The following ARPC1A variants were observed in gnomAD, a reference collection of about 807,000 sequenced individuals.
ARPC1A encodes the protein actin related protein 2/3 complex subunit 1A.
ARPC1A carries 8 observed loss-of-function variants against 46.9 expected under a neutral mutation model. The observed-to-expected ratio is 0.17, with a 90% CI of 0.10 to 0.31. The LOEUF (loss-of-function observed/expected upper bound fraction) is 0.31, where lower values mean the gene tolerates loss of function less well. Ranked by LOEUF, ARPC1A falls within the 10% of genes least tolerant of loss-of-function variation. ARPC1A has a pLI of 1.00. For missense variants in ARPC1A, 286 were observed against 483.6 expected, an observed-to-expected ratio of 0.59 and a Z score of 3.83; for synonymous variants, 152 against 169.0, an observed-to-expected ratio of 0.90 and a Z score of 0.78.
At chr7:99,343,731 A>G (rs1584379233) in intron 3 of ARPC1A, among the ~76,000 whole-genome samples, 1 of 152,200 alleles carries the variant, frequency 6.6e-6, no homozygotes, top group Non-Finnish European at 1.5e-5. Flanking sequence ...CAGGACCTGC[A>G]TCATGTAGAA....
rs372338903 is a variant in ARPC1A, at chr7:99,355,263, CAA to C, written c.713+1143_713+1144del. 6.6e-5 allele frequency among the ~76,000 whole-genome samples: 10 copies of C among 151,830 alleles called. No individual in the cohort carries two copies. In the East Asian group the frequency reaches 1.4e-3, roughly 21 times the overall value. ...TGCCATTGCACTCCAGCCTGGGCAACAAGAGCAAAACTATGTCTCAAAAAAAA... is the reference window on the plus strand; with the variant it reads ...TGCCATTGCACTCCAGCCTGGGCAACGAGCAAAACTATGTCTCAAAAAAAA... On this transcript the variant is annotated intron_variant, in intron 6 of 9. Transcript: ENST00000262942.
intron 7 of ARPC1A, among the ~76,000 whole-genome samples, chr7:99,359,126 C>T (rs900994767): frequency 2.0e-5 from 3 of 150,312 alleles, no homozygotes; most frequent in South Asian, 2.2e-4. Context: ...CCACCGTGCC[C>T]GGCCGCTCAC....
At chr7:99,357,787 C>T (rs1484689199) in intron 6 of ARPC1A, among the ~76,000 whole-genome samples, 1 of 152,234 alleles carries the variant, frequency 6.6e-6, no homozygotes, top group African/African-American at 2.4e-5. Flanking sequence ...CATACACACA[C>T]ATGGCCCATT....
intron 6 of ARPC1A, 83 bp downstream of exon 6, chr7:99,354,204 G>GTAA: frequency 6.9e-7 from 1 of 1,445,396 alleles, no homozygotes; most frequent in South Asian, 1.3e-5. Flanking sequence ...CCTTCCTGGG[G>GTAA]TGTTAGCACA....
chr7:99,344,004 G>T (rs554388599), intron 3 of ARPC1A, among the ~76,000 whole-genome samples: 6 of 152,328 alleles, frequency 3.9e-5, no homozygotes, highest in Non-Finnish European at 8.8e-5. Context: ...TCTTAGAAAT[G>T]TGTGAATGGG....
chr7:99,332,596 T>C (rs1793161483), intron 1 of ARPC1A, among the ~76,000 whole-genome samples: 1 of 151,692 alleles, frequency 6.6e-6, no homozygotes, highest in Non-Finnish European at 1.5e-5. Flanking sequence ...GTTTTGACAA[T>C]GAGATAGATT....
chr7:99,346,386 C>G (rs999895834), intron 4 of ARPC1A, among the ~76,000 whole-genome samples: 1 of 152,176 alleles, frequency 6.6e-6, no homozygotes, highest in African/African-American at 2.4e-5. Context: ...TTTATGTCAG[C>G]TGGTACTCCT....
At chr7:99,346,522 C>A (rs1381909915) in intron 4 of ARPC1A, among the ~76,000 whole-genome samples, 2 of 152,110 alleles carry the variant, frequency 1.3e-5, no homozygotes, top group Non-Finnish European at 2.9e-5. Flanking sequence ...TATTATGGTA[C>A]AAGGTATTGT....
At chr7:99,362,253 C>T (rs1248305304) in intron 8 of ARPC1A, among the ~76,000 whole-genome samples, 1 of 151,538 alleles carries the variant, frequency 6.6e-6, no homozygotes, top group African/African-American at 2.4e-5. Flanking sequence ...GAGATCGCAC[C>T]ACTGCACTCC....
At chr7:99,356,728 T>C (rs527656732) in intron 6 of ARPC1A, among the ~76,000 whole-genome samples, 14 of 151,592 alleles carry the variant, frequency 9.2e-5, no homozygotes, top group East Asian at 3.9e-4. Flanking sequence ...GGTGAAACCC[T>C]GTCTCTACAA....
chr7:99,341,609 CAA>C (rs36066986), intron 3 of ARPC1A, among the ~76,000 whole-genome samples: 13,544 of 87,454 alleles, frequency 0.15, 1,479 homozygotes, highest in African/African-American at 0.35. Context: ...AACTCTGTCT[CAA>C]AAAAAAAAAA....
At chr7:99,364,539 C>T (rs907882371) in intron 9 of ARPC1A, among the ~76,000 whole-genome samples, 2 of 150,466 alleles carry the variant, frequency 1.3e-5, no homozygotes, top group African/African-American at 2.4e-5. Flanking sequence ...CCCCAAGTGC[C>T]AGGATTACAG....
At chr7:99,346,853 C>T (rs1332948799) in intron 4 of ARPC1A, among the ~76,000 whole-genome samples, 4 of 152,018 alleles carry the variant, frequency 2.6e-5, no homozygotes, top group Non-Finnish European at 5.9e-5. Flanking sequence ...GTGGTGCATG[C>T]CTATAATCCC....
chr7:99,364,268 CTTTT>C (rs1226720404), intron 9 of ARPC1A, among the ~76,000 whole-genome samples: 6 of 117,370 alleles, frequency 5.1e-5, no homozygotes, highest in Admixed American at 1.8e-4. Context: ...AGATCTCTCT[CTTTT>C]TTTTTTTTTT....
intron 3 of ARPC1A, among the ~76,000 whole-genome samples, chr7:99,339,233 A>G (rs546575421): frequency 5.3e-5 from 8 of 152,298 alleles, no homozygotes; most frequent in Non-Finnish European, 8.8e-5. Context: ...TTTTTAATAC[A>G]TTTACATACA....
intron 4 of ARPC1A, among the ~76,000 whole-genome samples, chr7:99,345,580 C>T (rs1374839076): frequency 6.6e-6 from 1 of 151,954 alleles, no homozygotes; most frequent in African/African-American, 2.4e-5. Context: ...ATTACTTGAA[C>T]TCGGAGGGCA....
At chr7:99,332,508 T>A (rs2150858388) in intron 1 of ARPC1A, among the ~76,000 whole-genome samples, 1 of 152,320 alleles carries the variant, frequency 6.6e-6, no homozygotes, top group East Asian at 1.9e-4. Flanking sequence ...TACCCATGGT[T>A]TAAGAGTCCA....
In ARPC1A at chr7:99,338,231, G is replaced by A. The variant is rs562099938; in HGVS notation, c.115G>A (p.Gly39Arg). 5.0e-5 allele frequency: 81 copies of A among 1,613,412 alleles called. 1 individual carries two copies. The highest frequency in any genetic ancestry group is 2.4e-4 in the South Asian group (22 of 90,920). The change falls in exon 3 of 10, where the codon GGG (glycine) becomes AGG (arginine). Residue 39 changes from glycine (G) to arginine (R), a missense_variant. By Grantham distance (125) the Gly-to-Arg change is moderately radical (BLOSUM62 -2). Around this residue, in one of 5 missense-constraint regions of ARPC1A, gnomAD observed 55 missense variants for 59.4 expected, o/e 0.93. Transcript: ENST00000262942. Reference sequence around the variant, plus strand: ...CGAAGTGCACATCTATAAGAAGAACGGGAGCCAGTGGGTGAAAGCTCATGA... The same window carrying A: ...CGAAGTGCACATCTATAAGAAGAACAGGAGCCAGTGGGTGAAAGCTCATGA... ...NHEVHIYKKN[G>R]SQWVKAHELK...
chr7:99,344,362 G>A lies in ARPC1A; in HGVS notation c.239G>A (p.Ser80Asn), dbSNP rs1793404626. ...GCAGACCGCAATGCCTATGTCTGGA[G>A]TCAGAAAGATGGTGTTTGGAAGCCA... Reference protein sequence around the residue: ...CGADRNAYVWSQKDGVWKPTL... With the variant: ...CGADRNAYVWNQKDGVWKPTL... Residue 80 changes from serine (S) to asparagine (N), a missense_variant, in exon 4 of 10, where the codon AGT becomes AAT. Ser to Asn is a conservative substitution (Grantham distance 46, BLOSUM62 1). Coordinates refer to ENST00000262942, the MANE Select transcript of ARPC1A (RefSeq NM_006409.4). 6.2e-7 allele frequency: 1 copy of A among 1,613,896 alleles called. No individual in the cohort carries two copies. The highest frequency in any genetic ancestry group is 8.5e-7 in the Non-Finnish European group (1 of 1,179,882).
Sources: allele counts gnomAD v4.1 joint callset (sites outside exome capture counted in the v4.1 genomes callset), GRCh38; gene constraint gnomAD v4.1.1; regional missense constraint gnomAD v4.1.1; transcripts MANE v1.5; gene names NCBI Gene and HGNC (gene_info 2026-07-23, HGNC 2026-07-21).